Variants in LTBP1 observed in about 807,000 individuals in gnomAD.
The protein encoded by LTBP1 is latent-transforming growth factor beta-binding protein 1.
A neutral mutation model predicts 207.6 loss-of-function variants in LTBP1; 129 were observed. The ratio of observed to expected loss-of-function variants is 0.62; its 90% confidence interval spans 0.54 to 0.72. LTBP1 has a LOEUF of 0.72. Ranked by LOEUF, LTBP1 falls within the 30% of genes least tolerant of loss-of-function variation. LTBP1 has a pLI of 0.00. For missense variants in LTBP1, 2,281 were observed against 2,217.2 expected (o/e 1.03, Z -0.58); for synonymous variants, 963 against 833.7 (o/e 1.16, Z -2.67).
chr2:32,998,799 C>T (rs1685680827), intron 2 of LTBP1, among the ~76,000 whole-genome samples: 1 of 152,074 alleles, frequency 6.6e-6, no homozygotes, highest in Non-Finnish European at 1.5e-5. Context: ...AGTTTGCAAC[C>T]CAGAAGGGAT....
rs1381107202 is a variant in LTBP1, at chr2:33,293,179, A to G, written c.3132A>G (p.Glu1044=). 1.9e-6 allele frequency: 3 copies of G among 1,613,892 alleles called. No homozygotes were observed. The highest frequency in any genetic ancestry group is 2.5e-6 in the Non-Finnish European group (3 of 1,179,942). The part of the protein sequence containing the change: ...GQCLDVDECL[E]PNVCANGDCS... Reference sequence around the variant, plus strand: ...TTCAAGATGTGGACGAGTGCCTGGAACCAAACGTCTGCGCAAATGGTGATT... The same window carrying G: ...TTCAAGATGTGGACGAGTGCCTGGAGCCAAACGTCTGCGCAAATGGTGATT... Residue 1044 remains glutamate, a synonymous_variant, in exon 20 of 34, where the codon GAA becomes GAG. Transcript: ENST00000404816.
At chr2:33,149,228 CAA>C (rs58303103) in intron 5 of LTBP1, among the ~76,000 whole-genome samples, 5 of 82,818 alleles carry the variant, frequency 6.0e-5, no homozygotes, top group Admixed American at 1.7e-4. Flanking sequence ...CACAAAAAAA[CAA>C]AAAAAAAAAA....
chr2:33,019,700 C>T (rs2075059232), intron 2 of LTBP1, among the ~76,000 whole-genome samples: 1 of 151,444 alleles, frequency 6.6e-6, no homozygotes, highest in Non-Finnish European at 1.5e-5. Flanking sequence ...CAATGACCCA[C>T]AGCCCTGATA....
intron 4 of LTBP1, among the ~76,000 whole-genome samples, chr2:33,121,430 G>T (rs918283060): frequency 6.6e-6 from 1 of 152,110 alleles, no homozygotes; most frequent in Admixed American, 6.5e-5. Context: ...GGCGGTGGTC[G>T]TTCCTGTGTT....
chr2:33,168,810 A>G (rs1460397284), intron 5 of LTBP1, among the ~76,000 whole-genome samples: 1 of 152,180 alleles, frequency 6.6e-6, no homozygotes, highest in East Asian at 1.9e-4. Context: ...GCTATTATGT[A>G]TGCTTTGGGA....
chr2:33,117,491 G>C (rs1177043293), intron 4 of LTBP1, among the ~76,000 whole-genome samples: 3 of 152,166 alleles, frequency 2.0e-5, no homozygotes, highest in African/African-American at 7.2e-5. Context: ...GGGTCTTCCT[G>C]GTTGCCCTGA....
At chr2:33,299,068 G>C (rs1293136551) in intron 20 of LTBP1, among the ~76,000 whole-genome samples, 1 of 152,020 alleles carries the variant, frequency 6.6e-6, no homozygotes, top group African/African-American at 2.4e-5. Context: ...GAGGTCAAGA[G>C]ATCAAGACCA....
At chr2:33,220,415 A>G (rs2091023882) in intron 8 of LTBP1, among the ~76,000 whole-genome samples, 1 of 152,334 alleles carries the variant, frequency 6.6e-6, no homozygotes, top group East Asian at 1.9e-4. Flanking sequence ...GTTTAGCCAC[A>G]TACAGAAAGA....
chr2:33,009,969 A>C (rs1573067186), intron 2 of LTBP1, among the ~76,000 whole-genome samples: 1 of 152,202 alleles, frequency 6.6e-6, no homozygotes, highest in Non-Finnish European at 1.5e-5. Context: ...TCTTCAGGAG[A>C]AGGGTCCAAG....
chr2:33,064,203 A>C (rs989285324), intron 3 of LTBP1, among the ~76,000 whole-genome samples: 5 of 152,338 alleles, frequency 3.3e-5, no homozygotes, highest in Admixed American at 3.3e-4. Context: ...ATAACTTTAA[A>C]TTGAGTTTTC....
rs926032663 is a variant in LTBP1, at chr2:33,274,638, C to G, written c.2744-327C>G. ...AGAGTCTCTTTCATGGCATTTCTGACTCCCTACTGACAGCAAATTCCATTG... is the reference window on the plus strand; with the variant it reads ...AGAGTCTCTTTCATGGCATTTCTGAGTCCCTACTGACAGCAAATTCCATTG... On this transcript the variant is annotated intron_variant, in intron 16 of 33. Coordinates refer to ENST00000404816, the MANE Select transcript of LTBP1 (RefSeq NM_206943.4). 2.0e-5 allele frequency among the ~76,000 whole-genome samples: 3 copies of G among 152,214 alleles called. No homozygotes were observed. In the South Asian group the frequency reaches 6.2e-4, roughly 32 times the overall value.
At chr2:33,352,701 A>G (rs2094798576) in intron 26 of LTBP1, among the ~76,000 whole-genome samples, 1 of 152,160 alleles carries the variant, frequency 6.6e-6, no homozygotes, top group East Asian at 1.9e-4. Flanking sequence ...TAATGTTTTC[A>G]AAACATAGAT....
intron 4 of LTBP1, among the ~76,000 whole-genome samples, chr2:33,122,166 C>T (rs1013317802): frequency 9.4e-5 from 14 of 149,690 alleles, no homozygotes; most frequent in Non-Finnish European, 7.4e-5. Context: ...GGGTTCGGAG[C>T]GGGAGCTTCG....
At chr2:33,220,638 C>G (rs2091043808) in intron 8 of LTBP1, among the ~76,000 whole-genome samples, 1 of 152,222 alleles carries the variant, frequency 6.6e-6, no homozygotes, top group Non-Finnish European at 1.5e-5. Context: ...AAGTAGATGA[C>G]TGCTGAAAGT....
chr2:33,148,093 A>C (rs1423993834), intron 5 of LTBP1, among the ~76,000 whole-genome samples: 2 of 152,190 alleles, frequency 1.3e-5, no homozygotes, highest in African/African-American at 4.8e-5. Context: ...TGGTGGTCTT[A>C]TCTGCAAGGA....
intron 8 of LTBP1, among the ~76,000 whole-genome samples, chr2:33,220,724 G>A (rs538197913): frequency 6.6e-6 from 1 of 152,328 alleles, no homozygotes; most frequent in African/African-American, 2.4e-5. Context: ...TCTGCAGGAT[G>A]CCTGCTCTAG....
chr2:33,293,962 A>G lies in LTBP1; in HGVS notation c.3235+680A>G, dbSNP rs562544347. Among the ~76,000 whole-genome samples, 6 of 136,976 alleles carry G rather than the reference A, an allele frequency of 4.4e-5. No homozygotes were observed. In the East Asian group the frequency reaches 8.3e-4, roughly 19 times the overall value. 89.9% of individuals were successfully genotyped at this position (136,976 alleles called of 152,430 possible). ...GGTATTGAACAAACAAAAAATTTTCAGCTTCTCATTAGTGAACAAAACTGG... is the reference window on the plus strand; with the variant it reads ...GGTATTGAACAAACAAAAAATTTTCGGCTTCTCATTAGTGAACAAAACTGG... On this transcript the variant is annotated intron_variant, in intron 20 of 33. Transcript: ENST00000404816.
intron 3 of LTBP1, chr2:33,056,457 C>T: frequency 1.1e-6 from 1 of 936,638 alleles, no homozygotes; most frequent in Non-Finnish European, 1.6e-6. Flanking sequence ...CCTGTTGTTG[C>T]AAATTGCCAG....
intron 3 of LTBP1, among the ~76,000 whole-genome samples, chr2:33,083,547 A>G (rs1231913886): frequency 6.6e-6 from 1 of 152,080 alleles, no homozygotes; most frequent in African/African-American, 2.4e-5. Context: ...ATCTGGATTC[A>G]GGGAGACCCC....
Sources: gnomAD v4.1 joint callset for allele counts (sites outside exome capture counted in the v4.1 genomes callset) on GRCh38, gnomAD v4.1.1 for gene constraint, MANE v1.5 for transcripts, NCBI Gene and HGNC (gene_info 2026-07-23, HGNC 2026-07-21) for gene names.